The following SGCD variants were observed in gnomAD, a reference collection of about 807,000 sequenced individuals.
SGCD encodes the protein delta-sarcoglycan.
SGCD carries 18 observed loss-of-function variants against 36.6 expected under a neutral mutation model. The observed-to-expected ratio is 0.49, with a 90% CI of 0.34 to 0.73. SGCD has a LOEUF of 0.73. Ranked by LOEUF, SGCD falls within the 30% of genes least tolerant of loss-of-function variation. The pLI is 0.01. For missense variants in SGCD, 387 were observed against 346.7 expected (o/e 1.12, Z -0.92); for synonymous variants, 133 against 130.6 (o/e 1.02, Z -0.12).
chr5:155,975,921 C>T (rs899118286), intron 1 of SGCD, among the ~76,000 whole-genome samples: 5 of 151,906 alleles, frequency 3.3e-5, no homozygotes, highest in Admixed American at 6.6e-5. Context: ...TGAGCCACTG[C>T]GCTCGGCCAT....
At chr5:156,121,199 TA>T (rs1240894175) in intron 2 of SGCD, among the ~76,000 whole-genome samples, 1 of 152,136 alleles carries the variant, frequency 6.6e-6, no homozygotes, top group African/African-American at 2.4e-5. Flanking sequence ...TAGATACATT[TA>T]TGAAATGTCA....
At chr5:156,497,197 CTCT>C (rs1756236052) in intron 3 of SGCD, among the ~76,000 whole-genome samples, 1 of 110,602 alleles carries the variant, frequency 9.0e-6, no homozygotes, top group East Asian at 2.6e-4. Flanking sequence ...CTCTCTCTCT[CTCT>C]CTCTCTGCGT....
At chr5:156,390,064 A>T (rs868340828) in intron 3 of SGCD, among the ~76,000 whole-genome samples, 2 of 152,214 alleles carry the variant, frequency 1.3e-5, no homozygotes, top group Non-Finnish European at 2.9e-5. Context: ...GCTGGTATAA[A>T]CAAACCTACC....
At chr5:156,333,285 A>C (rs1314217972) in intron 2 of SGCD, among the ~76,000 whole-genome samples, 1 of 152,164 alleles carries the variant, frequency 6.6e-6, no homozygotes, top group Non-Finnish European at 1.5e-5. Context: ...ATGCTGTAAA[A>C]ATTTATAGGT....
intron 3 of SGCD, among the ~76,000 whole-genome samples, chr5:156,501,421 G>A (rs1756447220): frequency 6.6e-6 from 1 of 152,192 alleles, no homozygotes; most frequent in African/African-American, 2.4e-5. Flanking sequence ...AACAAGTTAT[G>A]TGGAAAGAAC....
At chr5:155,839,358 T>A in the SGCD span, among the ~76,000 whole-genome samples, 2 of 152,058 alleles carry the variant, frequency 1.3e-5, no homozygotes, top group Non-Finnish European at 2.9e-5. Context: ...AGCAAAAAAA[T>A]TTGCCTATAA....
intron 7 of SGCD, among the ~76,000 whole-genome samples, chr5:156,653,645 A>G (rs1215012073): frequency 6.6e-6 from 1 of 151,578 alleles, no homozygotes; most frequent in Non-Finnish European, 1.5e-5. Context: ...AAGATGACCA[A>G]TTATTGATAG....
chr5:156,172,727 G>A (rs996983651), intron 3 of SGCD, among the ~76,000 whole-genome samples: 12 of 150,718 alleles, frequency 8.0e-5, no homozygotes, highest in African/African-American at 2.7e-4. Context: ...AATCCTGCCA[G>A]CTCCTGATTT....
At chr5:156,449,677 CAAAAAAAAA>C (rs397883573) in intron 3 of SGCD, among the ~76,000 whole-genome samples, 8 of 46,050 alleles carry the variant, frequency 1.7e-4, no homozygotes, top group African/African-American at 2.6e-4. Flanking sequence ...ACTAAAAATA[CAAAAAAAAA>C]AAAAAAAAAA....
chr5:156,702,239 A>G (rs1384787928), intron 7 of SGCD, among the ~76,000 whole-genome samples: 1 of 152,134 alleles, frequency 6.6e-6, no homozygotes, highest in Non-Finnish European at 1.5e-5. Flanking sequence ...GGGCTGGGTG[A>G]CTAAAATTTG....
At chr5:156,148,647 C>G (rs1021038432) in intron 3 of SGCD, among the ~76,000 whole-genome samples, 2 of 152,100 alleles carry the variant, frequency 1.3e-5, no homozygotes, top group Non-Finnish European at 2.9e-5. Context: ...TACAGACAGA[C>G]TGGGAAAGAA....
chr5:155,817,780 C>T, the SGCD span, among the ~76,000 whole-genome samples: 7 of 152,262 alleles, frequency 4.6e-5, no homozygotes, highest in South Asian at 2.1e-4. Flanking sequence ...CTGCTGTCTC[C>T]GGTTGAAACG....
intron 1 of SGCD, among the ~76,000 whole-genome samples, chr5:155,876,833 C>A (rs911826823): frequency 3.3e-5 from 5 of 152,114 alleles, no homozygotes; most frequent in African/African-American, 1.2e-4. Context: ...TTATGACCTT[C>A]ACTGTGCTTC....
At chr5:155,829,728 G>A in the SGCD span, among the ~76,000 whole-genome samples, 1 of 152,184 alleles carries the variant, frequency 6.6e-6, no homozygotes, top group Non-Finnish European at 1.5e-5. Context: ...TGATCATTGT[G>A]TTCCCTGTTT....
chr5:156,241,907 C>T (rs189665208), intron 3 of SGCD, among the ~76,000 whole-genome samples: 2 of 152,222 alleles, frequency 1.3e-5, no homozygotes, highest in Non-Finnish European at 2.9e-5. Context: ...GCTATCCATG[C>T]TTGGGGTTGG....
At chr5:156,461,798 C>G (rs893482184) in intron 3 of SGCD, among the ~76,000 whole-genome samples, 2 of 152,104 alleles carry the variant, frequency 1.3e-5, no homozygotes, top group Non-Finnish European at 1.5e-5. Context: ...ACTCATTTGA[C>G]TTTCTTCCTC....
chr5:156,081,447 C>A (rs1341638917), intron 1 of SGCD, among the ~76,000 whole-genome samples: 4 of 152,114 alleles, frequency 2.6e-5, no homozygotes, highest in Non-Finnish European at 5.9e-5. Flanking sequence ...AGGCTGAGTG[C>A]AGTGGCACGA....
the SGCD span, among the ~76,000 whole-genome samples, chr5:155,797,732 G>C: frequency 1.3e-5 from 2 of 152,210 alleles, no homozygotes; most frequent in Non-Finnish European, 2.9e-5. Flanking sequence ...TGTGCAACTA[G>C]AGGGTTGGGC....
chr5:155,802,109 C>A, the SGCD span, among the ~76,000 whole-genome samples: 1 of 152,128 alleles, frequency 6.6e-6, no homozygotes, highest in Non-Finnish European at 1.5e-5. Flanking sequence ...GTGTTTTTCC[C>A]AGAAGAGGGA....
Sources: allele counts gnomAD v4.1 joint callset (sites outside exome capture counted in the v4.1 genomes callset), GRCh38; gene constraint gnomAD v4.1.1; transcripts MANE v1.5; gene names NCBI Gene and HGNC (gene_info 2026-07-23, HGNC 2026-07-21).